GKAP1: variants seen among roughly 807,000 people sequenced by gnomAD.
The protein encoded by GKAP1 is G kinase anchoring protein 1.
In GKAP1, 31 loss-of-function variants were observed where a neutral mutation model predicts 56.7. The observed-to-expected ratio is 0.55, with a 90% CI of 0.41 to 0.74. GKAP1 has a LOEUF of 0.74. GKAP1 is among the 30% of genes least tolerant of loss of function. GKAP1 has a pLI of 0.00. For missense variants in GKAP1, 364 were observed against 402.3 expected (o/e 0.90, Z 0.82); for synonymous variants, 151 against 138.6 (o/e 1.09, Z -0.63).
At chr9:83,805,276 G>A (rs534509990) in intron 3 of GKAP1, among the ~76,000 whole-genome samples, 6 of 152,140 alleles carry the variant, frequency 3.9e-5, no homozygotes, top group African/African-American at 1.4e-4. Context: ...CAGCATGCTC[G>A]TTAAGAATCA....
chr9:83,768,678 T>C (rs1943704741), intron 8 of GKAP1, 140 bp downstream of exon 8: 1 of 700,748 alleles, frequency 1.4e-6, no homozygotes, highest in Non-Finnish European at 2.4e-6. Context: ...ATAAATACCT[T>C]TGCGTGATAA....
chr9:83,795,223 A>AT (rs1456544593), intron 4 of GKAP1, among the ~76,000 whole-genome samples: 1 of 151,134 alleles, frequency 6.6e-6, no homozygotes, highest in Admixed American at 6.6e-5. Context: ...TGCCCTACGT[A>AT]TTTTTTTAAA....
chr9:83,794,153 G>GT (rs1006930029), intron 4 of GKAP1, among the ~76,000 whole-genome samples: 1 of 152,098 alleles, frequency 6.6e-6, no homozygotes, highest in African/African-American at 2.4e-5. Context: ...GGCGATGGGA[G>GT]TAAGACCCCA....
At chr9:83,808,180 A>C (rs1014357548) in intron 2 of GKAP1, among the ~76,000 whole-genome samples, 1 of 152,252 alleles carries the variant, frequency 6.6e-6, no homozygotes, top group Non-Finnish European at 1.5e-5. Context: ...TCTTTTCTAC[A>C]AGCATGAGAA....
intron 10 of GKAP1, among the ~76,000 whole-genome samples, chr9:83,743,964 A>T (rs1302570491): frequency 6.6e-6 from 1 of 152,180 alleles, no homozygotes; most frequent in Non-Finnish European, 1.5e-5. Context: ...GAGAGGTAAA[A>T]TTGTAATAAA....
intron 10 of GKAP1, among the ~76,000 whole-genome samples, chr9:83,746,396 T>C (rs1308460153): frequency 1.3e-5 from 2 of 152,178 alleles, no homozygotes; most frequent in Non-Finnish European, 1.5e-5. Context: ...TCCTTCTATA[T>C]GCTTTAAATC....
At chr9:83,768,253 C>T (rs897740742) in intron 8 of GKAP1, among the ~76,000 whole-genome samples, 2 of 152,210 alleles carry the variant, frequency 1.3e-5, no homozygotes, top group Admixed American at 6.5e-5. Context: ...GGTCTAGGGC[C>T]TTTTATATTT....
At chr9:83,787,283 G>T (rs774045374) in intron 5 of GKAP1, among the ~76,000 whole-genome samples, 15 of 151,266 alleles carry the variant, frequency 9.9e-5, no homozygotes, top group Non-Finnish European at 1.9e-4. Flanking sequence ...GCCCAGGCAG[G>T]AGGAGTGCAG....
At chr9:83,791,802 G>A (rs1009146325) in intron 4 of GKAP1, among the ~76,000 whole-genome samples, 19 of 152,120 alleles carry the variant, frequency 1.2e-4, no homozygotes, top group Admixed American at 1.1e-3. Flanking sequence ...TACAAAAGTT[G>A]AGAAAAAGAA....
chr9:83,777,136 C>A (rs1943877324), intron 7 of GKAP1, among the ~76,000 whole-genome samples: 1 of 152,194 alleles, frequency 6.6e-6, no homozygotes, highest in Non-Finnish European at 1.5e-5. Flanking sequence ...CAATATCTCC[C>A]CCACTGCCAC....
chr9:83,758,888 G>C (rs1009236080), intron 8 of GKAP1, among the ~76,000 whole-genome samples: 1 of 152,140 alleles, frequency 6.6e-6, no homozygotes, highest in African/African-American at 2.4e-5. Context: ...TGAGAAAGGA[G>C]CACATTGGAT....
In GKAP1 at chr9:83,745,795, AT is replaced by A. The variant is rs534829233; in HGVS notation, c.904+2513del. ...ATGTCCAAATAATATTTTTCCCCGT[AT>A]TTTTTTTTTTTTGAGACAAAGTCTC... On this transcript the variant is annotated intron_variant, in intron 10 of 12. Coordinates refer to ENST00000376371, the MANE Select transcript of GKAP1 (RefSeq NM_025211.4). 5.3e-3 allele frequency among the ~76,000 whole-genome samples: 774 copies of A among 144,994 alleles called. 1 individual carries two copies. Among genetic ancestry groups the A allele is most frequent in the African/African-American group, 9.3e-3 (373 of 39,914 alleles).
chr9:83,741,358 T>TCACA (rs777468995), intron 12 of GKAP1, among the ~76,000 whole-genome samples: 68 of 147,710 alleles, frequency 4.6e-4, no homozygotes, highest in African/African-American at 1.3e-3. Flanking sequence ...TAAATATATC[T>TCACA]CTCACACACA....
At position 83,739,676 on chromosome 9, in the gene GKAP1, T is replaced by C. The variant is rs1351675083; in HGVS notation, c.*21A>G. The C allele has an allele frequency of 6.3e-7, 1 of 1,588,772 alleles. No homozygotes were observed. ...ATCCTGGAAGTTTTAAACTTTGTGT[T>C]GACTTCAAAGGCTAATGTAATCACC... On this transcript the variant is annotated 3_prime_UTR_variant, in exon 13 of 13. Coordinates refer to ENST00000376371, the MANE Select transcript of GKAP1 (RefSeq NM_025211.4).
At chr9:83,807,727 T>C (rs1465267300) in intron 2 of GKAP1, among the ~76,000 whole-genome samples, 3 of 152,224 alleles carry the variant, frequency 2.0e-5, no homozygotes, top group Admixed American at 2.0e-4. Context: ...ACTGCTGTCA[T>C]TTCCACAATA....
At chr9:83,769,476 T>C (rs1943720600) in intron 7 of GKAP1, among the ~76,000 whole-genome samples, 1 of 152,260 alleles carries the variant, frequency 6.6e-6, no homozygotes, top group Non-Finnish European at 1.5e-5. Flanking sequence ...ATTTTGTATA[T>C]ACAGAATAAT....
intron 5 of GKAP1, 36 bp from the exon 6 acceptor site, chr9:83,784,874 T>A: frequency 6.9e-7 from 1 of 1,447,586 alleles, no homozygotes; most frequent in South Asian, 1.4e-5. Context: ...AAGTTCAGTT[T>A]ACAAACTGTA....
At chr9:83,768,143 T>A (rs969008031) in intron 8 of GKAP1, among the ~76,000 whole-genome samples, 4 of 152,228 alleles carry the variant, frequency 2.6e-5, no homozygotes, top group Non-Finnish European at 4.4e-5. Flanking sequence ...AGAAAAGACA[T>A]TTATGACATA....
chr9:83,773,672 T>C (rs1943801992), intron 7 of GKAP1, among the ~76,000 whole-genome samples: 1 of 152,176 alleles, frequency 6.6e-6, no homozygotes, highest in Admixed American at 6.5e-5. Context: ...TTAGTGTTGA[T>C]CATTTCCATG....
Sources: allele counts gnomAD v4.1 joint callset (sites outside exome capture counted in the v4.1 genomes callset), GRCh38; gene constraint gnomAD v4.1.1; transcripts MANE v1.5; gene names NCBI Gene and HGNC (gene_info 2026-07-23, HGNC 2026-07-21).